The following JPH2 variants were observed in gnomAD, a reference collection of about 807,000 sequenced individuals.
JPH2 encodes junctophilin-2.
Under a neutral mutation model 55.9 loss-of-function variants are expected in JPH2, and 38 were observed. That is an observed-to-expected ratio of 0.68 (90% CI 0.52 to 0.89). JPH2 has a LOEUF of 0.89. Ranked by LOEUF, JPH2 falls within the 40% of genes least tolerant of loss-of-function variation. JPH2 has a pLI of 0.00. For synonymous variants in JPH2, 480 were observed against 472.4 expected (o/e 1.02, Z -0.21); for missense variants, 964 against 1,037.6 (o/e 0.93, Z 0.97).
chr20:44,182,124 TA>T (rs2072788980), intron 1 of JPH2, among the ~76,000 whole-genome samples: 2 of 152,168 alleles, frequency 1.3e-5, no homozygotes, highest in Non-Finnish European at 2.9e-5. Flanking sequence ...TGAGTTTAAA[TA>T]ATGTGGCAGG....
At chr20:44,130,261 C>T (rs1034844127) in intron 2 of JPH2, among the ~76,000 whole-genome samples, 2 of 152,338 alleles carry the variant, frequency 1.3e-5, no homozygotes, top group Non-Finnish European at 1.5e-5. Context: ...TCTGCTGCAC[C>T]GCTTCAGCTC....
At position 44,168,364 on chromosome 20, in the gene JPH2, CA is replaced by C. The variant is rs528290970; in HGVS notation, c.380-7958del. ...TTAATGATTGTATATTGTTTACACACAAAAAAAATATTGTGGATAATGAGTT... is the reference window on the plus strand; with the variant it reads ...TTAATGATTGTATATTGTTTACACACAAAAAAATATTGTGGATAATGAGTT... On this transcript the variant is annotated intron_variant, in intron 1 of 5. Transcript: ENST00000372980. Among the ~76,000 whole-genome samples the C allele has an allele frequency of 3.4e-4, 49 of 143,022 alleles. No homozygotes were observed. In the South Asian group the frequency reaches 6.5e-3, roughly 19 times the overall value. The allele number at this position is 143,022 out of a possible 152,430, so 93.8% of individuals were successfully genotyped here.
At chr20:44,170,703 A>G (rs940698200) in intron 1 of JPH2, among the ~76,000 whole-genome samples, 1 of 152,224 alleles carries the variant, frequency 6.6e-6, no homozygotes, top group Non-Finnish European at 1.5e-5. Context: ...CAGGGCTAAG[A>G]CAGCTTTGGA....
At chr20:44,114,559 GAAGT>G (rs1381486139) in intron 5 of JPH2, among the ~76,000 whole-genome samples, 1 of 141,904 alleles carries the variant, frequency 7.0e-6, no homozygotes, top group Non-Finnish European at 1.5e-5. Context: ...CTAAGCTAAT[GAAGT>G]AAGTGTGTGT....
chr20:44,116,151 G>T lies in JPH2; in HGVS notation c.1524C>A (p.Ser508Arg). 7.0e-7 allele frequency: 1 copy of T among 1,428,402 alleles called. No homozygotes were observed. The allele number at this position is 1,428,402 out of a possible 1,614,324, so 88.5% of individuals were successfully genotyped here. A position where few individuals can be genotyped will look rare whatever the true frequency, so the allele number is the denominator to read the frequency against. Residue 508 changes from serine to arginine, a missense_variant, in exon 4 of 6, where the codon AGC becomes AGA. Coordinates refer to ENST00000372980, the MANE Select transcript of JPH2 (RefSeq NM_020433.5). ...RPGVSKDGLL[S>R]PGAWNGEPSG... ...TGGGCTCGCCGTTCCAGGCGCCTGG[G>T]CTCAGCAGGCCGTCCTTGGACACCC...
Position 44,136,031 on chromosome 20 carries a change from G to A in JPH2, c.1170-17408C>T, listed in dbSNP as rs147190299. Reference sequence around the variant, plus strand: ...CCTCAGTGTACACATGAGAAAACCAGTACTCTGAGCATTTCAATAACTTGC... The same window carrying A: ...CCTCAGTGTACACATGAGAAAACCAATACTCTGAGCATTTCAATAACTTGC... On this transcript the variant is annotated intron_variant, in intron 2 of 5. Transcript: ENST00000372980. 3.5e-3 allele frequency among the ~76,000 whole-genome samples: 535 copies of A among 152,276 alleles called. 5 individuals carry two copies. Among genetic ancestry groups the A allele is most frequent in the African/African-American group, 0.012 (505 of 41,546 alleles).
At chr20:44,157,067 G>A (rs995653184) in intron 2 of JPH2, among the ~76,000 whole-genome samples, 1 of 152,184 alleles carries the variant, frequency 6.6e-6, no homozygotes, top group Non-Finnish European at 1.5e-5. Flanking sequence ...TTCCATGTCT[G>A]TAAAATGAAT....
At chr20:44,143,399 A>G (rs893610344) in intron 2 of JPH2, among the ~76,000 whole-genome samples, 1 of 152,166 alleles carries the variant, frequency 6.6e-6, no homozygotes, top group Non-Finnish European at 1.5e-5. Flanking sequence ...CCACGCAAGC[A>G]CAGCTGTCCA....
intron 5 of JPH2, among the ~76,000 whole-genome samples, chr20:44,114,204 A>C (rs565226327): frequency 4.3e-4 from 66 of 152,198 alleles, no homozygotes; most frequent in African/African-American, 1.4e-3. Context: ...CATCATGGGG[A>C]AAAAACTGAG....
chr20:44,128,193 A>C (rs970621652), intron 2 of JPH2, among the ~76,000 whole-genome samples: 2 of 152,226 alleles, frequency 1.3e-5, no homozygotes, highest in Non-Finnish European at 2.9e-5. Flanking sequence ...AAGGTCAAAA[A>C]AATTTACTCA....
At chr20:44,169,237 T>G (rs187446314) in intron 1 of JPH2, among the ~76,000 whole-genome samples, 1 of 151,200 alleles carries the variant, frequency 6.6e-6, no homozygotes, top group Non-Finnish European at 1.5e-5. Context: ...AGTGCAGTAG[T>G]GTGATCTTGG....
Position 44,110,271 on chromosome 20 carries a change from G to T in JPH2, c.*3247C>A, listed in dbSNP as rs12329575. ...ACCCCATCTGCAGACCGGCCAACTG[G>T]GCTGGCTGCCCACCTGCTTTCCCTC... On this transcript the variant is annotated 3_prime_UTR_variant, in exon 6 of 6. Coordinates refer to ENST00000372980, the MANE Select transcript of JPH2 (RefSeq NM_020433.5). Among the ~76,000 whole-genome samples the T allele has an allele frequency of 0.13, 19,055 of 151,906 alleles. 1,410 individuals are homozygous for T. The highest frequency in any genetic ancestry group is 0.2 in the African/African-American group (8,112 of 41,390).
intron 1 of JPH2, among the ~76,000 whole-genome samples, chr20:44,182,237 G>A (rs954401321): frequency 6.6e-6 from 1 of 152,196 alleles, no homozygotes; most frequent in Non-Finnish European, 1.5e-5. Flanking sequence ...GGGGCAAAGG[G>A]TGAGTGCAGA....
rs754677562 is a variant in JPH2, at chr20:44,107,427, A to C, written c.*6091T>G. ...CCTCCCTTGAAGCTAGTTGAGGCCAAACAACTGAGCTCTGGCTAGTGGAAT... is the reference window on the plus strand; with the variant it reads ...CCTCCCTTGAAGCTAGTTGAGGCCACACAACTGAGCTCTGGCTAGTGGAAT... On this transcript the variant is annotated 3_prime_UTR_variant, in exon 6 of 6. Coordinates refer to ENST00000372980, the MANE Select transcript of JPH2 (RefSeq NM_020433.5). Among the ~76,000 whole-genome samples, 2 of 152,228 alleles carry C rather than the reference A, an allele frequency of 1.3e-5. No individual in the cohort carries two copies. Among genetic ancestry groups the C allele is most frequent in the African/African-American group, 2.4e-5 (1 of 41,464 alleles).
chr20:44,150,655 C>G (rs1185503938), intron 2 of JPH2, among the ~76,000 whole-genome samples: 1 of 152,220 alleles, frequency 6.6e-6, no homozygotes, highest in Non-Finnish European at 1.5e-5. Flanking sequence ...GTAATCAAGA[C>G]CAGCCTCTGG....
At chr20:44,143,830 G>A (rs1371174311) in intron 2 of JPH2, among the ~76,000 whole-genome samples, 5 of 152,218 alleles carry the variant, frequency 3.3e-5, no homozygotes, top group East Asian at 1.9e-4. Context: ...GTGGCAGGAG[G>A]AGGCATGAAA....
At chr20:44,114,944 G>T in intron 4 of JPH2, 68 bp from the exon 5 acceptor site, 1 of 1,262,018 alleles carries the variant, frequency 7.9e-7, no homozygotes, top group Non-Finnish European at 1.1e-6. Flanking sequence ...CCAGGTCACA[G>T]CAAGGCTGGA....
At position 44,186,634 on chromosome 20, in the gene JPH2, A is replaced by G. The variant is rs754405775; in HGVS notation, c.72T>C (p.His24=). The part of the protein sequence containing the change: ...YCGGWEGGKA[H]GHGLCTGPKG... ...TGGGGCCTGTGCACAGTCCATGCCCATGGGCCTTTCCCCCCTCCCAGCCCC... is the reference window on the plus strand; with the variant it reads ...TGGGGCCTGTGCACAGTCCATGCCCGTGGGCCTTTCCCCCCTCCCAGCCCC... Residue 24 remains histidine (H), a synonymous_variant, in exon 1 of 6, where the codon CAT becomes CAC. Coordinates refer to ENST00000372980, the MANE Select transcript of JPH2 (RefSeq NM_020433.5). The G allele has an allele frequency of 5.0e-6, 8 of 1,610,996 alleles. No individual in the cohort carries two copies. The highest frequency in any genetic ancestry group is 6.8e-6 in the Non-Finnish European group (8 of 1,179,898).
At chr20:44,154,150 A>G (rs1019498637) in intron 2 of JPH2, among the ~76,000 whole-genome samples, 3 of 152,190 alleles carry the variant, frequency 2.0e-5, no homozygotes, top group Non-Finnish European at 2.9e-5. Flanking sequence ...CAGGGTTGGG[A>G]CTACTCTGAG....
Sources: gnomAD v4.1 joint callset for allele counts (sites outside exome capture counted in the v4.1 genomes callset) on GRCh38, gnomAD v4.1.1 for gene constraint, MANE v1.5 for transcripts, NCBI Gene and HGNC (gene_info 2026-07-23, HGNC 2026-07-21) for gene names.